The following CHST8 variants were observed in gnomAD, a reference collection of about 807,000 sequenced individuals.
CHST8 encodes GALNAC-4-ST1.
A neutral mutation model predicts 15.0 loss-of-function variants in CHST8; 10 were observed. The ratio of observed to expected loss-of-function variants is 0.67; its 90% CI spans 0.41 to 1.13. CHST8 has a LOEUF of 1.13. Among genes scored for constraint, CHST8 ranks in the 50% most tolerant of loss-of-function variants. The probability of loss-of-function intolerance (pLI) is 0.00; values close to 1 mark genes in which losing one functional copy is unlikely to be tolerated. For synonymous variants in CHST8, 259 were observed against 256.6 expected, an observed-to-expected ratio of 1.01 and a Z score of -0.09; for missense variants, 634 against 608.2, an observed-to-expected ratio of 1.04 and a Z score of -0.45.
chr19:33,673,148 G>A (rs1207946413), intron 2 of CHST8, among the ~76,000 whole-genome samples: 3 of 152,212 alleles, frequency 2.0e-5, no homozygotes, highest in Non-Finnish European at 4.4e-5. Flanking sequence ...CAATGTCCGG[G>A]TGTCGTGGCT....
intron 2 of CHST8, among the ~76,000 whole-genome samples, chr19:33,669,822 C>A (rs1600249473): frequency 1.3e-5 from 2 of 152,140 alleles, no homozygotes; most frequent in Admixed American, 6.5e-5. Context: ...TGAAGGGAAC[C>A]AACGTAGATA....
At chr19:33,650,786 C>A (rs1432577589) in intron 1 of CHST8, among the ~76,000 whole-genome samples, 1 of 151,742 alleles carries the variant, frequency 6.6e-6, no homozygotes, top group Non-Finnish European at 1.5e-5. Flanking sequence ...TGGCTCACTG[C>A]AAACCTTCGC....
chr19:33,725,089 G>A (rs1019338312), intron 3 of CHST8, among the ~76,000 whole-genome samples: 65 of 152,070 alleles, frequency 4.3e-4, no homozygotes, highest in Non-Finnish European at 7.4e-5. Flanking sequence ...GCTGTTATGA[G>A]GGACATGAGT....
At chr19:33,692,944 A>G (rs1030124519) in intron 3 of CHST8, among the ~76,000 whole-genome samples, 9 of 151,552 alleles carry the variant, frequency 5.9e-5, no homozygotes, top group Admixed American at 1.3e-4. Context: ...CTTTCATGTG[A>G]TTTTTGAAGT....
chr19:33,714,289 G>A (rs1024071743), intron 3 of CHST8, among the ~76,000 whole-genome samples: 3 of 151,868 alleles, frequency 2.0e-5, no homozygotes, highest in African/African-American at 7.3e-5. Context: ...AGAAAATCTG[G>A]TACATATATA....
intron 2 of CHST8, among the ~76,000 whole-genome samples, chr19:33,682,526 A>G (rs1418463367): frequency 6.6e-6 from 1 of 152,014 alleles, no homozygotes; most frequent in Non-Finnish European, 1.5e-5. Context: ...CATCATCCCA[A>G]ACAGAGACTC....
intron 4 of CHST8, among the ~76,000 whole-genome samples, chr19:33,771,739 G>C (rs1327444038): frequency 6.6e-6 from 1 of 152,094 alleles, no homozygotes; most frequent in Admixed American, 6.5e-5. Flanking sequence ...GGAGGACCGC[G>C]CCATCTTGTG....
intron 3 of CHST8, among the ~76,000 whole-genome samples, chr19:33,757,514 GAAAGAAAGAGAAAGAAAGAA>G (rs1568358742): frequency 5.6e-5 from 3 of 54,042 alleles, no homozygotes; most frequent in Admixed American, 2.1e-4. Context: ...AAGAAAGAAA[GAAAGAAAGAGAAAGAAAGAA>G]AGAAAGAAAG....
intron 2 of CHST8, among the ~76,000 whole-genome samples, chr19:33,684,170 C>CT (rs1972934880): frequency 1.3e-5 from 2 of 152,194 alleles, no homozygotes; most frequent in Non-Finnish European, 2.9e-5. Flanking sequence ...CCTAGTAGGG[C>CT]TATGGTGGCA....
Position 33,773,103 on chromosome 19 carries a change from C to G in CHST8, c.*40C>G, listed in dbSNP as rs1159184146. The G allele has an allele frequency of 6.5e-7, 1 of 1,535,896 alleles. No homozygotes were observed. The highest frequency in any genetic ancestry group is 1.2e-5 in the South Asian group (1 of 81,266). On this transcript the variant is annotated 3_prime_UTR_variant, in exon 5 of 5. Coordinates refer to ENST00000650847, the MANE Select transcript of CHST8 (RefSeq NM_001127895.2). ...GGCCGGGGCCGCCCTGCCCCGGTCA[C>G]TCACCTGTGCTCCCGGGCATCCTCC...
intron 2 of CHST8, among the ~76,000 whole-genome samples, chr19:33,682,574 C>A (rs1025680864): frequency 2.0e-5 from 3 of 152,224 alleles, no homozygotes; most frequent in Admixed American, 2.0e-4. Context: ...TCCTTCCAGT[C>A]CCTGGTAACC....
intron 2 of CHST8, among the ~76,000 whole-genome samples, chr19:33,673,999 C>T (rs1304046022): frequency 6.6e-6 from 1 of 152,200 alleles, no homozygotes; most frequent in Non-Finnish European, 1.5e-5. Context: ...CGTGATCTGC[C>T]CATCTTGGCC....
At chr19:33,694,150 G>C (rs1442880255) in intron 3 of CHST8, among the ~76,000 whole-genome samples, 6 of 66,106 alleles carry the variant, frequency 9.1e-5, no homozygotes, top group African/African-American at 3.9e-4. Context: ...TTACCATACA[G>C]ATTCTATTGT....
intron 3 of CHST8, among the ~76,000 whole-genome samples, chr19:33,758,096 T>C (rs1028459552): frequency 1.4e-5 from 2 of 143,204 alleles, no homozygotes; most frequent in African/African-American, 2.6e-5. Flanking sequence ...CCCTGCAACC[T>C]GTGAATTGCC....
chr19:33,695,429 A>C (rs1474561850), intron 3 of CHST8, among the ~76,000 whole-genome samples: 1 of 152,142 alleles, frequency 6.6e-6, no homozygotes, highest in Non-Finnish European at 1.5e-5. Context: ...TTAAAATTTC[A>C]ATAGTTTTGG....
chr19:33,689,876 G>A (rs542751555), intron 3 of CHST8, among the ~76,000 whole-genome samples: 6 of 152,304 alleles, frequency 3.9e-5, no homozygotes, highest in Non-Finnish European at 5.9e-5. Context: ...GACCCCCTCC[G>A]AGGGTCCCCC....
intron 3 of CHST8, among the ~76,000 whole-genome samples, chr19:33,768,643 C>T (rs1039397998): frequency 6.6e-6 from 1 of 151,808 alleles, no homozygotes; most frequent in Non-Finnish European, 1.5e-5. Flanking sequence ...TAGTAGAGAT[C>T]GGGTTTCACT....
chr19:33,763,153 T>C (rs1974770336), intron 3 of CHST8, among the ~76,000 whole-genome samples: 1 of 152,198 alleles, frequency 6.6e-6, no homozygotes, highest in South Asian at 2.1e-4. Flanking sequence ...CCACCACGCC[T>C]GGCCTGTCTT....
At chr19:33,668,069 T>C (rs1163160887) in intron 2 of CHST8, among the ~76,000 whole-genome samples, 2 of 151,996 alleles carry the variant, frequency 1.3e-5, no homozygotes, top group African/African-American at 4.8e-5. Context: ...TAACCCCGAG[T>C]GAATGCGTCA....
Sources: gnomAD v4.1 joint callset for allele counts (sites outside exome capture counted in the v4.1 genomes callset) on GRCh38, gnomAD v4.1.1 for gene constraint, MANE v1.5 for transcripts, NCBI Gene and HGNC (gene_info 2026-07-23, HGNC 2026-07-21) for gene names.